The following CDKN2B-AS1 variants were observed in gnomAD, a reference collection of about 807,000 sequenced individuals.
The protein encoded by CDKN2B-AS1 is CDKN2B and CDKN2A antisense cis and trans regulatory RNA 1, also known as CDKN2B antisense RNA 1 (non-protein coding).
chr9:22,000,241 CTTG>C lies in CDKN2B-AS1; in HGVS notation n.29+5085_29+5087del, dbSNP rs1820862937. Among the ~76,000 whole-genome samples the C allele has an allele frequency of 6.6e-6, 1 of 152,114 alleles. No homozygotes were observed. The highest frequency in any genetic ancestry group is 1.5e-5 in the Non-Finnish European group (1 of 67,992). On this transcript the variant is annotated intron_variant and non_coding_transcript_variant, in intron 1 of 4. Transcript: ENST00000650946. This position sits in a 1 kb window ranked among gnomAD's most constrained non-coding sequence, Gnocchi z 4.1. ...TTTCTGAAATGGAAGGGGTTTTAAA[CTTG>C]TTGTCCTCAAATGACTACTGAGGCA...
chr9:22,073,534 G>A (rs151338098), intron 4 of CDKN2B-AS1, among the ~76,000 whole-genome samples: 7 of 152,156 alleles, frequency 4.6e-5, no homozygotes, highest in African/African-American at 1.7e-4. Flanking sequence ...ATATATGGGT[G>A]TAATTTTCTG....
At chr9:22,021,670 A>G (rs1375987720) in intron 1 of CDKN2B-AS1, among the ~76,000 whole-genome samples, 2 of 151,996 alleles carry the variant, frequency 1.3e-5, no homozygotes, top group African/African-American at 4.8e-5. Flanking sequence ...GAAGTTGTTT[A>G]TCAGCTTAAG....
chr9:22,094,488 C>T (rs955082275), intron 4 of CDKN2B-AS1, among the ~76,000 whole-genome samples: 1 of 144,492 alleles, frequency 6.9e-6, no homozygotes, highest in African/African-American at 2.9e-5. Flanking sequence ...TTCACATAGT[C>T]CCATATTTCT....
At chr9:22,010,697 G>A (rs952493480) in intron 1 of CDKN2B-AS1, among the ~76,000 whole-genome samples, 1 of 152,170 alleles carries the variant, frequency 6.6e-6, no homozygotes, top group African/African-American at 2.4e-5. Context: ...GAACCGGGTA[G>A]CATTAATAAC....
chr9:22,078,593 C>T (rs1331460596), intron 4 of CDKN2B-AS1, among the ~76,000 whole-genome samples: 3 of 152,102 alleles, frequency 2.0e-5, no homozygotes, highest in African/African-American at 7.3e-5. Context: ...AACAGATCTG[C>T]AGGAGATCTT....
In CDKN2B-AS1 at chr9:22,003,464, T is replaced by A. The variant is rs1821016375; in HGVS notation, n.29+8303T>A. The A allele has an allele frequency of 1.3e-5, 3 of 227,940 alleles. No individual in the cohort carries two copies. In the South Asian group the frequency reaches 5.5e-4, roughly 42 times the overall value. 14.1% of individuals were successfully genotyped at this position (227,940 alleles called of 1,614,324 possible). On this transcript the variant is annotated intron_variant and non_coding_transcript_variant, in intron 1 of 4. Transcript: ENST00000650946. ...AGGGATAATTTTTCATGACCCAGTA[T>A]AATGCAACTAGCAAATTTAAACATC...
chr9:22,048,263 G>A (rs1403950856), intron 2 of CDKN2B-AS1, among the ~76,000 whole-genome samples: 1 of 152,058 alleles, frequency 6.6e-6, no homozygotes, highest in Admixed American at 6.6e-5. Context: ...GGTGGATGCT[G>A]GTATGAAATA....
chr9:22,097,922 C>T (rs1233173717), intron 4 of CDKN2B-AS1, among the ~76,000 whole-genome samples: 2 of 152,118 alleles, frequency 1.3e-5, no homozygotes, highest in Non-Finnish European at 2.9e-5. Flanking sequence ...CTTTGTGGTT[C>T]CCTTTAGAAA....
At chr9:22,013,030 A>C (rs922948032) in intron 1 of CDKN2B-AS1, among the ~76,000 whole-genome samples, 5 of 152,196 alleles carry the variant, frequency 3.3e-5, no homozygotes, top group Non-Finnish European at 7.3e-5. Context: ...ACTTCTCCTG[A>C]GGCTTCTCTT....
intron 4 of CDKN2B-AS1, among the ~76,000 whole-genome samples, chr9:22,063,732 G>T (rs1823917326): frequency 6.6e-6 from 1 of 152,150 alleles, no homozygotes; most frequent in Non-Finnish European, 1.5e-5. Flanking sequence ...TGTCTGTTTT[G>T]GGAAAGGCTA....
chr9:22,085,673 A>G (rs1024101767), intron 4 of CDKN2B-AS1, among the ~76,000 whole-genome samples: 10 of 150,452 alleles, frequency 6.6e-5, no homozygotes, highest in South Asian at 2.1e-4. Context: ...GTGAGCCGAG[A>G]TCGTGCCACT....
At chr9:22,053,332 C>A (rs1388891604) in intron 3 of CDKN2B-AS1, among the ~76,000 whole-genome samples, 1 of 152,092 alleles carries the variant, frequency 6.6e-6, no homozygotes, top group African/African-American at 2.4e-5. Flanking sequence ...TTCCATTGAC[C>A]ATGAAAGAGT....
intron 4 of CDKN2B-AS1, among the ~76,000 whole-genome samples, chr9:22,070,593 C>A (rs772587231): frequency 5.3e-5 from 8 of 152,058 alleles, no homozygotes; most frequent in Admixed American, 1.3e-4. Flanking sequence ...GCGTCCTGGG[C>A]AGAGGAAGGA....
chr9:22,042,826 G>A (rs911248991), intron 1 of CDKN2B-AS1, among the ~76,000 whole-genome samples: 1 of 152,082 alleles, frequency 6.6e-6, no homozygotes, highest in South Asian at 2.1e-4. Flanking sequence ...TCTGACTCTT[G>A]TCACACAATC....
At chr9:22,012,128 C>A in intron 1 of CDKN2B-AS1, 1 of 1,023,428 alleles carries the variant, frequency 9.8e-7, no homozygotes, top group Non-Finnish European at 1.5e-6. Context: ...TTTTCTTCAG[C>A]GAGGCAGCCG....
intron 1 of CDKN2B-AS1, chr9:22,029,466 G>A (rs1202827886): frequency 1.3e-6 from 1 of 779,600 alleles, no homozygotes; most frequent in South Asian, 1.3e-5. Flanking sequence ...AGGATTCCAA[G>A]AGAGAATATT....
intron 1 of CDKN2B-AS1, chr9:22,046,741 C>T (rs1221473379): frequency 6.6e-6 from 1 of 152,074 alleles, no homozygotes. Flanking sequence ...CTTTTTTCTC[C>T]TACATCCAGT....
intron 1 of CDKN2B-AS1, chr9:22,008,783 T>A (rs971405713): frequency 1.2e-6 from 2 of 1,607,412 alleles, no homozygotes; most frequent in Non-Finnish European, 1.7e-6. Context: ...GGCGAGGCCC[T>A]GGGGCCCCAG....
At chr9:22,044,309 A>AGTAGAATATCCTAGTAGGATATC (rs1823020306) in intron 1 of CDKN2B-AS1, among the ~76,000 whole-genome samples, 3 of 151,884 alleles carry the variant, frequency 2.0e-5, no homozygotes, top group Admixed American at 2.0e-4. Flanking sequence ...CTAGAAACAG[A>AGTAGAATATCCTAGTAGGATATC]GTAGAATATC....
Sources: gnomAD v4.1 joint callset for allele counts (sites outside exome capture counted in the v4.1 genomes callset) on GRCh38, gnomAD v4.1.1 for gene constraint, Gnocchi (gnomAD v3.1) non-coding constraint, MANE v1.5 for transcripts, NCBI Gene and HGNC (gene_info 2026-07-23, HGNC 2026-07-21) for gene names.